Variants in PROS1 observed in about 807,000 individuals in gnomAD.
PROS1 encodes the protein protein S.
A neutral mutation model predicts 75.9 loss-of-function variants in PROS1; 29 were observed. The ratio of observed to expected loss-of-function variants is 0.38; its 90% CI spans 0.28 to 0.52. The LOEUF is 0.52. PROS1 is among the 20% of genes least tolerant of loss of function. PROS1 has a pLI of 0.83. For synonymous variants in PROS1, 245 were observed against 280.6 expected (o/e 0.87, Z 1.27); for missense variants, 680 against 810.3 (o/e 0.84, Z 1.95).
intron 13 of PROS1, among the ~76,000 whole-genome samples, chr3:93,878,047 A>G (rs1708217593): frequency 1.3e-5 from 2 of 152,228 alleles, no homozygotes; most frequent in Non-Finnish European, 2.9e-5. Context: ...GAATAATGTT[A>G]TGAAATATTG....
chr3:93,923,245 A>G (rs1057068709), intron 3 of PROS1, among the ~76,000 whole-genome samples: 5 of 152,212 alleles, frequency 3.3e-5, no homozygotes, highest in Non-Finnish European at 5.9e-5. Flanking sequence ...AAAATATTTT[A>G]TCTAAGGAAC....
chr3:93,919,819 C>T (rs1020291442), intron 3 of PROS1, among the ~76,000 whole-genome samples: 5 of 152,094 alleles, frequency 3.3e-5, no homozygotes, highest in African/African-American at 1.2e-4. Context: ...GGCCATTCTT[C>T]GCAATACCAT....
intron 7 of PROS1, among the ~76,000 whole-genome samples, chr3:93,900,216 C>A (rs1007346448): frequency 1.3e-5 from 2 of 152,222 alleles, no homozygotes; most frequent in African/African-American, 4.8e-5. Context: ...GAAGTAACAG[C>A]ACCTTTAAGG....
rs1190161856 is a variant in PROS1, at chr3:93,877,069, T to G, written c.1767A>C (p.Pro589=). The G allele has an allele frequency of 6.2e-7, 1 of 1,613,650 alleles. No homozygotes were observed. Among genetic ancestry groups the G allele is most frequent in the Non-Finnish European group, 8.5e-7 (1 of 1,179,596 alleles). The change falls in exon 14 of 15, where the codon CCA becomes CCC. Residue 589 remains proline (P), a synonymous_variant. Transcript: ENST00000394236. ...CATGGGAGATGGTTTCTATTTTAAG[T>G]GGTGTCGACAACTCCAGATTGTTTC... ...VNRNNLELST[P]LKIETISHED...
chr3:93,900,059 A>G (rs1056521225), intron 7 of PROS1, among the ~76,000 whole-genome samples: 3 of 152,202 alleles, frequency 2.0e-5, no homozygotes, highest in African/African-American at 7.2e-5. Context: ...AGTTCCAGCC[A>G]TGGCAGTAAA....
chr3:93,914,856 C>T (rs1708816392), intron 3 of PROS1, among the ~76,000 whole-genome samples: 1 of 152,138 alleles, frequency 6.6e-6, no homozygotes, highest in Non-Finnish European at 1.5e-5. Flanking sequence ...CCCCAAAGTC[C>T]ATTGTATTAT....
At chr3:93,913,070 A>G (rs1708783780) in intron 3 of PROS1, among the ~76,000 whole-genome samples, 1 of 151,960 alleles carries the variant, frequency 6.6e-6, no homozygotes, top group Admixed American at 6.6e-5. Context: ...GTGTCAAGGG[A>G]CAGACCAGGT....
At chr3:93,967,857 C>T (rs1317785363) in intron 1 of PROS1, 1 of 152,140 alleles carries the variant, frequency 6.6e-6, no homozygotes, top group African/African-American at 2.4e-5. Flanking sequence ...CTACTGCACT[C>T]CTCCAGCCCA....
chr3:93,956,557 CACACAA>C (rs1453009438), intron 1 of PROS1, among the ~76,000 whole-genome samples: 4 of 78,212 alleles, frequency 5.1e-5, no homozygotes, highest in African/African-American at 1.1e-4. Flanking sequence ...CACACACACA[CACACAA>C]ACACACACAC....
At chr3:93,953,390 T>G (rs1302595794) in intron 1 of PROS1, among the ~76,000 whole-genome samples, 1 of 152,192 alleles carries the variant, frequency 6.6e-6, no homozygotes, top group Admixed American at 6.5e-5. Context: ...CCCGATCAAG[T>G]TGGCTTCATC....
chr3:93,932,313 C>T (rs1176087570), intron 1 of PROS1, among the ~76,000 whole-genome samples: 1 of 152,118 alleles, frequency 6.6e-6, no homozygotes, highest in African/African-American at 2.4e-5. Context: ...AGCAAGTTCC[C>T]ACAGCTGAGA....
intron 3 of PROS1, among the ~76,000 whole-genome samples, chr3:93,915,682 T>C (rs1708835453): frequency 6.6e-6 from 1 of 152,214 alleles, no homozygotes; most frequent in African/African-American, 2.4e-5. Flanking sequence ...ATCTAGGATC[T>C]CATCAGAATG....
At chr3:93,880,311 C>T (rs1247467028) in intron 12 of PROS1, among the ~76,000 whole-genome samples, 1 of 151,828 alleles carries the variant, frequency 6.6e-6, no homozygotes, top group East Asian at 1.9e-4. Flanking sequence ...CCAGCCTGGG[C>T]AACATGGTGA....
chr3:93,956,067 G>A (rs936171978), intron 1 of PROS1, among the ~76,000 whole-genome samples: 1 of 152,084 alleles, frequency 6.6e-6, no homozygotes, highest in Non-Finnish European at 1.5e-5. Flanking sequence ...TTCCATCCAT[G>A]ATAGTAAATA....
At chr3:93,887,092 GTA>G (rs1373162984) in intron 10 of PROS1, among the ~76,000 whole-genome samples, 1 of 151,344 alleles carries the variant, frequency 6.6e-6, no homozygotes, top group Non-Finnish European at 1.5e-5. Flanking sequence ...CTAATTTTTT[GTA>G]TTTTTAGTAG....
rs770121235 is a variant in PROS1, at chr3:93,886,449, C to T, written c.1210G>A (p.Val404Met). The change falls in exon 11 of 15, where the codon GTG becomes ATG. Residue 404 changes from valine (V) to methionine (M), a missense_variant. Transcript: ENST00000394236. ...SISIKIAKEA[V>M]MDINKPGPLF... ...GGTCCAGGTTTATTTATATCCATCA[C>T]AGCTTCTTTAGCTATTTTAATGCTA... 1.1e-5 allele frequency: 18 copies of T among 1,612,784 alleles called. No individual in the cohort carries two copies. The highest frequency in any genetic ancestry group is 1.4e-5 in the Non-Finnish European group (17 of 1,179,008).
chr3:93,927,429 T>C (rs1424073180), intron 1 of PROS1, 22 bp from the exon 2 acceptor site: 2 of 1,609,540 alleles, frequency 1.2e-6, no homozygotes, highest in Non-Finnish European at 1.7e-6. Flanking sequence ...AATCAGTTTA[T>C]ATGAATTAAT....
chr3:93,942,074 T>C (rs1196832679), intron 1 of PROS1, among the ~76,000 whole-genome samples: 8 of 152,128 alleles, frequency 5.3e-5, no homozygotes, highest in Non-Finnish European at 1.2e-4. Context: ...TATTTCCTTC[T>C]TTCCTGTTCC....
In PROS1 at chr3:93,973,738, C is replaced by G. The variant is rs771937532; in HGVS notation, c.12G>C (p.Leu4=). 1.2e-6 allele frequency: 2 copies of G among 1,613,298 alleles called. No homozygotes were observed. Among genetic ancestry groups the G allele is most frequent in the South Asian group, 2.2e-5 (2 of 90,992 alleles). Residue 4 remains leucine, a synonymous_variant, in exon 1 of 15, where the codon CTG becomes CTC. Transcript: ENST00000394236. Reference sequence around the variant, plus strand: ...CCAGCAGCGCCCCGCAGCGCCCACCCAGGACCCTCATTTCGAAGCGCGCGG... The same window carrying G: ...CCAGCAGCGCCCCGCAGCGCCCACCGAGGACCCTCATTTCGAAGCGCGCGG... The part of the protein sequence containing the change: MRV[L]GGRCGALLAC...
Sources: allele counts gnomAD v4.1 joint callset (sites outside exome capture counted in the v4.1 genomes callset), GRCh38; gene constraint gnomAD v4.1.1; transcripts MANE v1.5; gene names NCBI Gene and HGNC (gene_info 2026-07-23, HGNC 2026-07-21).